Variants in CNKSR3 observed in about 807,000 individuals in gnomAD.
The protein encoded by CNKSR3 is connector enhancer of kinase suppressor of ras 3.
Under a neutral mutation model 67.7 loss-of-function variants are expected in CNKSR3, and 36 were observed. That is an observed-to-expected ratio of 0.53 (90% CI 0.41 to 0.70). CNKSR3 has a LOEUF of 0.70. Among genes scored for constraint, CNKSR3 ranks in the 30% least tolerant of loss-of-function variants. The pLI, the probability that CNKSR3 is intolerant of heterozygous loss-of-function variation, is 0.00. For missense variants in CNKSR3, 630 were observed against 695.2 expected (o/e 0.91, Z 1.05); for synonymous variants, 281 against 271.4 (o/e 1.04, Z -0.35).
chr6:154,487,657 C>T (rs909509203), intron 1 of CNKSR3, among the ~76,000 whole-genome samples: 10 of 152,222 alleles, frequency 6.6e-5, no homozygotes, highest in Admixed American at 6.5e-4. Context: ...TACATTTTCT[C>T]TCCAGGCAAA....
chr6:154,437,525 T>C (rs1785497052), intron 4 of CNKSR3, among the ~76,000 whole-genome samples: 1 of 150,304 alleles, frequency 6.7e-6, no homozygotes. Context: ...GTGATTCTCC[T>C]GCCTTAGCCT....
intron 1 of CNKSR3, among the ~76,000 whole-genome samples, chr6:154,498,264 G>A (rs929021268): frequency 3.9e-5 from 6 of 151,998 alleles, no homozygotes; most frequent in Admixed American, 6.6e-5. Context: ...TTACAGGTGC[G>A]CTTCTCACTG....
chr6:154,467,351 T>C (rs1000960062), intron 1 of CNKSR3, among the ~76,000 whole-genome samples: 20 of 151,454 alleles, frequency 1.3e-4, no homozygotes, highest in Admixed American at 1.3e-3. Context: ...TAAACCAACT[T>C]ATATTTATTT....
chr6:154,444,873 G>A (rs1785676293), intron 2 of CNKSR3, among the ~76,000 whole-genome samples: 1 of 152,120 alleles, frequency 6.6e-6, no homozygotes, highest in South Asian at 2.1e-4. Flanking sequence ...CCAAAGTGCT[G>A]GGATTACAGG....
intron 2 of CNKSR3, among the ~76,000 whole-genome samples, chr6:154,445,770 C>T (rs1785695917): frequency 6.6e-6 from 1 of 151,924 alleles, no homozygotes; most frequent in South Asian, 2.1e-4. Flanking sequence ...TCTTTTTCTT[C>T]CCCAAAACAA....
At chr6:154,477,886 T>C (rs2114635130) in intron 1 of CNKSR3, among the ~76,000 whole-genome samples, 1 of 152,282 alleles carries the variant, frequency 6.6e-6, no homozygotes, top group South Asian at 2.1e-4. Context: ...CCTCCCATCA[T>C]TCACTACAAA....
intron 9 of CNKSR3, among the ~76,000 whole-genome samples, chr6:154,419,014 A>ATTTTTTTTTTTTTTTTTT: frequency 6.7e-6 from 1 of 148,736 alleles, no homozygotes. Flanking sequence ...AAGGACCTGA[A>ATTTTTTTTTTTTTTTTTT]TTGACATTAC....
At chr6:154,430,386 G>C (rs1184930758) in intron 6 of CNKSR3, 86 bp downstream of exon 6, 3 of 1,250,786 alleles carry the variant, frequency 2.4e-6, no homozygotes, top group African/African-American at 1.5e-5. Context: ...CAGAATTATA[G>C]TGAAAGCAAT....
In CNKSR3 at chr6:154,397,846, CTGCGGCCATCACTAGGTGCACAGTG is replaced by C. The variant is rs1584040554; in HGVS notation, c.*8483_*8507del. 2.6e-5 allele frequency: 4 copies of C among 151,984 alleles called. No homozygotes were observed. The highest frequency in any genetic ancestry group is 7.3e-5 in the African/African-American group (3 of 41,308). The allele number at this position is 151,984 out of a possible 1,614,324, so 9.4% of individuals were successfully genotyped here. On this transcript the variant is annotated 3_prime_UTR_variant, in exon 13 of 13. Coordinates refer to ENST00000607772, the MANE Select transcript of CNKSR3 (RefSeq NM_173515.4). ...CCCTGGAAGATGAGTAAAAGCAAAT[CTGCGGCCATCACTAGGTGCACAGTG>C]CAGTGGGGGTGTGTGAGATGCACAG...
In CNKSR3 at chr6:154,441,329, A is replaced by G. The variant is rs1270259778; in HGVS notation, c.470T>C (p.Ile157Thr). The G allele has an allele frequency of 5.0e-6, 8 of 1,613,224 alleles. No homozygotes were observed. Among genetic ancestry groups the G allele is most frequent in the Non-Finnish European group, 6.8e-6 (8 of 1,179,630 alleles). ...AGTGGTCAGGTCCAAGCAAAGCTGG[A>G]TAATTTTGTTCTTCGTGACTGAGAA... ...TDFSVTKNKIIQLCLDLTTTV... is the reference protein window; with the variant it reads ...TDFSVTKNKITQLCLDLTTTV... Residue 157 changes from isoleucine to threonine, a missense_variant, in exon 4 of 13, where the codon ATC becomes ACC. Physicochemically the swap from Ile to Thr is moderately conservative, Grantham distance 89 (BLOSUM62 -1). This residue lies in a region of CNKSR3 where 189 missense variants were observed against 205.0 expected (regional missense o/e 0.92). Transcript: ENST00000607772.
intron 1 of CNKSR3, among the ~76,000 whole-genome samples, chr6:154,467,237 T>G (rs1476031698): frequency 6.6e-6 from 1 of 152,144 alleles, no homozygotes; most frequent in East Asian, 1.9e-4. Flanking sequence ...TCATGGCCCG[T>G]TTCTTGTTTT....
chr6:154,397,408 T>G lies in CNKSR3; in HGVS notation c.*8946A>C, dbSNP rs914207836. The stretch of plus-strand genomic sequence containing the variant: ...TTCTTTTCTTCTCTAAAAGTAGGTT[T>G]CTGTTTTTTGGAGGGGATTTAATTG... On this transcript the variant is annotated 3_prime_UTR_variant, in exon 13 of 13. Coordinates refer to ENST00000607772, the MANE Select transcript of CNKSR3 (RefSeq NM_173515.4). The G allele has an allele frequency of 2.0e-5, 3 of 152,260 alleles. No homozygotes were observed. Among genetic ancestry groups the G allele is most frequent in the Non-Finnish European group, 2.9e-5 (2 of 68,040 alleles). The allele number at this position is 152,260 out of a possible 1,614,324, so 9.4% of individuals were successfully genotyped here.
At chr6:154,489,403 C>T (rs191707478) in intron 1 of CNKSR3, among the ~76,000 whole-genome samples, 47 of 152,194 alleles carry the variant, frequency 3.1e-4, no homozygotes, top group African/African-American at 9.9e-4. Context: ...TGGTGGCGCA[C>T]GCCTGTAGTC....
In CNKSR3 at chr6:154,389,597, T is replaced by G. The variant is rs921390471; in HGVS notation, c.*16757A>C. On this transcript the variant is annotated 3_prime_UTR_variant, in exon 13 of 13. Coordinates refer to ENST00000607772, the MANE Select transcript of CNKSR3 (RefSeq NM_173515.4). ...TGGTCTTTTGTGGTTTCATATGGAC[T>G]GTAGAATTGTTTTGTCCCTGTCTTC... The G allele has an allele frequency of 6.6e-6, 1 of 152,258 alleles. No individual in the cohort carries two copies. The highest frequency in any genetic ancestry group is 1.5e-5 in the Non-Finnish European group (1 of 68,048). The allele number at this position is 152,258 out of a possible 1,614,324, so 9.4% of individuals were successfully genotyped here. A position where few individuals can be genotyped will look rare whatever the true frequency, so the allele number is the denominator to read the frequency against.
At chr6:154,407,872 G>GAAA (rs56406534) in intron 12 of CNKSR3, among the ~76,000 whole-genome samples, 8,733 of 68,644 alleles carry the variant, frequency 0.13, 2,050 homozygotes, top group East Asian at 0.37. Context: ...TTTAGAATTT[G>GAAA]AAAAAAAAAA....
intron 1 of CNKSR3, among the ~76,000 whole-genome samples, chr6:154,452,284 CACGAG>C (rs1785853446): frequency 6.6e-6 from 1 of 152,194 alleles, no homozygotes; most frequent in African/African-American, 2.4e-5. Context: ...TTCTCGCAAA[CACGAG>C]ATTATAACCC....
At chr6:154,445,285 G>A (rs1219295814) in intron 2 of CNKSR3, among the ~76,000 whole-genome samples, 1 of 151,976 alleles carries the variant, frequency 6.6e-6, no homozygotes, top group Non-Finnish European at 1.5e-5. Context: ...CTATCTAAAT[G>A]TGATATTCAT....
At chr6:154,445,177 G>A (rs1785684218) in intron 2 of CNKSR3, among the ~76,000 whole-genome samples, 1 of 151,870 alleles carries the variant, frequency 6.6e-6, no homozygotes, top group South Asian at 2.1e-4. Context: ...TAGAAATTTT[G>A]AAAGAAGCAA....
In CNKSR3 at chr6:154,449,617, G is replaced by A. The variant is rs145415210; in HGVS notation, c.216+478C>T. Among the ~76,000 whole-genome samples, 29 of 152,318 alleles carry A rather than the reference G, an allele frequency of 1.9e-4. No individual in the cohort carries two copies. The East Asian group carries it at 5.6e-3, about 29-fold the overall frequency. On this transcript the variant is annotated intron_variant, in intron 2 of 12. Coordinates refer to ENST00000607772, the MANE Select transcript of CNKSR3 (RefSeq NM_173515.4). ...TGGGATTATAGGCATGAGCCACTGCGCCTCGCCAGAAGGTGACATTTTCAT... is the reference window on the plus strand; with the variant it reads ...TGGGATTATAGGCATGAGCCACTGCACCTCGCCAGAAGGTGACATTTTCAT...
Sources: gnomAD v4.1 joint callset for allele counts (sites outside exome capture counted in the v4.1 genomes callset) on GRCh38, gnomAD v4.1.1 for gene constraint, gnomAD v4.1.1 regional missense constraint, MANE v1.5 for transcripts, NCBI Gene and HGNC (gene_info 2026-07-23, HGNC 2026-07-21) for gene names.